ZNF423: variants seen among roughly 807,000 people sequenced by gnomAD.
The protein encoded by ZNF423 is zinc finger protein 423.
ZNF423 carries 12 observed loss-of-function variants against 95.8 expected under a neutral mutation model. That is an observed-to-expected ratio of 0.13 (90% CI 0.08 to 0.20). The LOEUF is 0.20. Ranked by LOEUF, ZNF423 falls within the 10% of genes least tolerant of loss-of-function variation. The pLI is 1.00. For synonymous variants in ZNF423, 749 were observed against 711.9 expected (o/e 1.05, Z -0.83); for missense variants, 1,316 against 1,737.1 (o/e 0.76, Z 4.31).
At chr16:49,587,743 A>C (rs1970886815) in intron 5 of ZNF423, among the ~76,000 whole-genome samples, 1 of 151,976 alleles carries the variant, frequency 6.6e-6, no homozygotes, top group Non-Finnish European at 1.5e-5. Flanking sequence ...GTCACCGGTG[A>C]CTCTAGCAAA....
chr16:49,748,833 G>T (rs2033576736), intron 2 of ZNF423, among the ~76,000 whole-genome samples: 1 of 152,186 alleles, frequency 6.6e-6, no homozygotes, highest in Admixed American at 6.5e-5. Flanking sequence ...CACTGCTAGA[G>T]GGTGGTAGAA....
intron 3 of ZNF423, among the ~76,000 whole-genome samples, chr16:49,726,089 G>C (rs184398830): frequency 6.6e-6 from 1 of 152,152 alleles, no homozygotes; most frequent in African/African-American, 2.4e-5. Flanking sequence ...CTCCAGCCCC[G>C]GGGACCTGGG....
chr16:49,777,517 C>T (rs563913374), intron 2 of ZNF423, among the ~76,000 whole-genome samples: 1 of 152,296 alleles, frequency 6.6e-6, no homozygotes, highest in Admixed American at 6.5e-5. Context: ...CAGGTTTTTG[C>T]CCATTAGCAA....
At chr16:49,752,165 C>A (rs776115695) in intron 2 of ZNF423, among the ~76,000 whole-genome samples, 1 of 152,236 alleles carries the variant, frequency 6.6e-6, no homozygotes, top group Non-Finnish European at 1.5e-5. Flanking sequence ...TCAAAGAATG[C>A]GGGCCACTGT....
chr16:49,513,351 C>T (rs1011110797), intron 7 of ZNF423, among the ~76,000 whole-genome samples: 1 of 152,240 alleles, frequency 6.6e-6, no homozygotes, highest in Non-Finnish European at 1.5e-5. Context: ...GAGGAAGATG[C>T]CGCTACTCAC....
intron 1 of ZNF423, among the ~76,000 whole-genome samples, chr16:49,794,994 C>A (rs2034475404): frequency 6.6e-6 from 1 of 152,204 alleles, no homozygotes; most frequent in Non-Finnish European, 1.5e-5. Context: ...GCCTCAGCCT[C>A]CCGAGTAGCT....
At chr16:49,772,240 T>C (rs1361160478) in intron 2 of ZNF423, among the ~76,000 whole-genome samples, 1 of 152,208 alleles carries the variant, frequency 6.6e-6, no homozygotes, top group African/African-American at 2.4e-5. Flanking sequence ...ATGGCCCAGC[T>C]CAAACAAAGA....
chr16:49,793,990 A>C (rs2034457184), intron 1 of ZNF423, among the ~76,000 whole-genome samples: 1 of 151,450 alleles, frequency 6.6e-6, no homozygotes, highest in Non-Finnish European at 1.5e-5. Context: ...TCTGTTACCT[A>C]CTTAAGACCT....
intron 2 of ZNF423, among the ~76,000 whole-genome samples, chr16:49,737,888 C>T (rs1249570643): frequency 1.3e-5 from 2 of 152,182 alleles, no homozygotes; most frequent in Non-Finnish European, 2.9e-5. Context: ...TCTCGTGTCC[C>T]GGGAGTCAGC....
chr16:49,692,957 T>G (rs2031841766), intron 3 of ZNF423, among the ~76,000 whole-genome samples: 1 of 152,272 alleles, frequency 6.6e-6, no homozygotes, highest in Admixed American at 6.5e-5. Context: ...AAATGTTTCT[T>G]GAATGAACGA....
intron 5 of ZNF423, among the ~76,000 whole-genome samples, chr16:49,599,384 T>A (rs918273715): frequency 1.3e-5 from 2 of 152,196 alleles, no homozygotes; most frequent in South Asian, 4.1e-4. Flanking sequence ...TCCCTCAGTG[T>A]TCCCTGGGAC....
At chr16:49,756,593 G>A (rs974202124) in intron 2 of ZNF423, among the ~76,000 whole-genome samples, 6 of 152,100 alleles carry the variant, frequency 3.9e-5, no homozygotes, top group African/African-American at 1.4e-4. Flanking sequence ...TGCGTGTCTC[G>A]AAAGGTCCCT....
intron 1 of ZNF423, among the ~76,000 whole-genome samples, chr16:49,799,632 G>C (rs1597020037): frequency 6.6e-6 from 1 of 152,188 alleles, no homozygotes; most frequent in Non-Finnish European, 1.5e-5. Flanking sequence ...CTCTGCAGAA[G>C]AAGCAGACAC....
At chr16:49,517,532 G>A (rs77069776) in intron 7 of ZNF423, among the ~76,000 whole-genome samples, 13 of 152,308 alleles carry the variant, frequency 8.5e-5, no homozygotes, top group African/African-American at 2.4e-4. Flanking sequence ...TGGGGTGAGC[G>A]TGGGCAGGTG....
At chr16:49,617,395 T>A (rs1971914688) in intron 5 of ZNF423, among the ~76,000 whole-genome samples, 1 of 152,200 alleles carries the variant, frequency 6.6e-6, no homozygotes, top group Admixed American at 6.5e-5. Context: ...AAATTGCCCA[T>A]GCATCAGCTG....
intron 3 of ZNF423, among the ~76,000 whole-genome samples, chr16:49,684,815 G>A (rs1009010393): frequency 6.6e-6 from 1 of 152,212 alleles, no homozygotes; most frequent in African/African-American, 2.4e-5. Flanking sequence ...AGAAGGAGCT[G>A]CCAAAGTTGG....
intron 3 of ZNF423, among the ~76,000 whole-genome samples, chr16:49,666,463 G>A (rs1326123903): frequency 6.6e-6 from 1 of 152,130 alleles, no homozygotes; most frequent in East Asian, 1.9e-4. Flanking sequence ...CTACATACAC[G>A]TAGTTATAAG....
intron 5 of ZNF423, among the ~76,000 whole-genome samples, chr16:49,585,342 C>G (rs928076033): frequency 6.6e-5 from 10 of 152,188 alleles, no homozygotes; most frequent in Admixed American, 3.9e-4. Flanking sequence ...GCAGCCCACA[C>G]CTTCCCTCCC....
intron 3 of ZNF423, among the ~76,000 whole-genome samples, chr16:49,702,391 G>T (rs1345491053): frequency 1.3e-5 from 2 of 152,216 alleles, no homozygotes. Flanking sequence ...CACTTCGAGT[G>T]GGCCAGCCCC....
Sources: gnomAD v4.1 joint callset for allele counts (sites outside exome capture counted in the v4.1 genomes callset) on GRCh38, gnomAD v4.1.1 for gene constraint, MANE v1.5 for transcripts, NCBI Gene and HGNC (gene_info 2026-07-23, HGNC 2026-07-21) for gene names.